DIAPH2: variants seen among roughly 807,000 people sequenced by gnomAD.
DIAPH2 encodes protein diaphanous homolog 2.
In DIAPH2, 35 loss-of-function variants were observed where a neutral mutation model predicts 92.7. The observed-to-expected ratio is 0.38, with a 90% CI of 0.29 to 0.50. The LOEUF (loss-of-function observed/expected upper bound fraction) is 0.50, where lower values mean the gene tolerates loss of function less well. DIAPH2 is among the 20% of genes least tolerant of loss of function. The pLI, the probability that DIAPH2 is intolerant of heterozygous loss-of-function variation, is 0.94. For synonymous variants in DIAPH2, 301 were observed against 280.4 expected, an observed-to-expected ratio of 1.07 and a Z score of -0.73; for missense variants, 701 against 819.5, an observed-to-expected ratio of 0.86 and a Z score of 1.77.
At chrX:96,769,416 G>C (rs1009704986) in intron 4 of DIAPH2, among the ~76,000 whole-genome samples, 1 of 111,943 alleles carries the variant, frequency 8.9e-6, no homozygotes, top group Non-Finnish European at 1.9e-5. Context: ...TTATAATTTG[G>C]TTCTCTGTTT....
chrX:96,845,709 G>GTAATTTAATCTTTC (rs1240951091), intron 4 of DIAPH2, among the ~76,000 whole-genome samples: 6 of 112,389 alleles, frequency 5.3e-5, no homozygotes, highest in African/African-American at 1.9e-4. Flanking sequence ...TTTAACCTTT[G>GTAATTTAATCTTTC]TAATTTAATC....
At chrX:97,372,787 A>G (rs955703203) in intron 24 of DIAPH2, among the ~76,000 whole-genome samples, 53 of 111,000 alleles carry the variant, frequency 4.8e-4, no homozygotes, top group African/African-American at 1.7e-3. Context: ...TCTGACCAAC[A>G]TGGAGAAACC....
chrX:97,389,530 C>T (rs188868935), intron 25 of DIAPH2, among the ~76,000 whole-genome samples: 1 of 108,894 alleles, frequency 9.2e-6, no homozygotes, highest in East Asian at 2.9e-4. Context: ...CTTTCTCCCA[C>T]ACTACAGCAA....
chrX:97,587,273 C>T (rs923087810), intron 26 of DIAPH2, among the ~76,000 whole-genome samples: 2 of 107,603 alleles, frequency 1.9e-5, no homozygotes, highest in Non-Finnish European at 3.8e-5. Context: ...AATCTGCTGT[C>T]CTAGAAAAAA....
chrX:96,768,782 G>A (rs2064319902), intron 4 of DIAPH2, among the ~76,000 whole-genome samples: 1 of 111,498 alleles, frequency 9.0e-6, no homozygotes, highest in Non-Finnish European at 1.9e-5. Context: ...GTGAACAAGG[G>A]AAAGTATGGG....
intron 26 of DIAPH2, among the ~76,000 whole-genome samples, chrX:97,495,706 A>C (rs2070753319): frequency 8.9e-6 from 1 of 112,014 alleles, no homozygotes; most frequent in Non-Finnish European, 1.9e-5. Flanking sequence ...TAAGAAAGAG[A>C]GGTGATAAAA....
chrX:97,269,848 G>A (rs1297684178), intron 23 of DIAPH2, among the ~76,000 whole-genome samples: 1 of 108,885 alleles, frequency 9.2e-6, no homozygotes, highest in Non-Finnish European at 1.9e-5. Flanking sequence ...TGCCTCCCGA[G>A]TTCAAGCGAT....
chrX:96,849,123 T>C (rs2064991325), intron 4 of DIAPH2, among the ~76,000 whole-genome samples: 3 of 111,960 alleles, frequency 2.7e-5, no homozygotes, highest in African/African-American at 9.7e-5. Context: ...TATTTTTTTA[T>C]ATAGCTTTGA....
intron 23 of DIAPH2, among the ~76,000 whole-genome samples, chrX:97,295,545 A>G (rs760255092): frequency 1.4e-4 from 16 of 111,375 alleles, no homozygotes; most frequent in African/African-American, 4.9e-4. Flanking sequence ...CCTATGAGTT[A>G]GGAGTTACTA....
chrX:97,501,947 C>T (rs1264887204), intron 26 of DIAPH2, among the ~76,000 whole-genome samples: 2 of 111,266 alleles, frequency 1.8e-5, no homozygotes, highest in African/African-American at 6.5e-5. Flanking sequence ...GGATTACTGG[C>T]ATCCACCACC....
intron 1 of DIAPH2, among the ~76,000 whole-genome samples, chrX:96,718,530 T>C (rs1000834686): frequency 6.5e-5 from 7 of 108,032 alleles, no homozygotes; most frequent in African/African-American, 2.4e-4. Context: ...ATTTTTGTAT[T>C]TTTAGTAAAG....
At chrX:97,564,695 A>G (rs1368807995) in intron 26 of DIAPH2, among the ~76,000 whole-genome samples, 3 of 112,086 alleles carry the variant, frequency 2.7e-5, no homozygotes, top group Non-Finnish European at 5.6e-5. Context: ...AAACACTCAA[A>G]CCATAGTAAA....
intron 26 of DIAPH2, among the ~76,000 whole-genome samples, chrX:97,494,402 G>T (rs925950416): frequency 2.7e-5 from 3 of 111,691 alleles, no homozygotes; most frequent in African/African-American, 9.8e-5. Context: ...ATGTTGTTCA[G>T]TTGTCTATAT....
chrX:96,808,853 T>G (rs1390821472), intron 4 of DIAPH2, among the ~76,000 whole-genome samples: 1 of 111,964 alleles, frequency 8.9e-6, no homozygotes, highest in East Asian at 2.8e-4. Flanking sequence ...TTGATGGTTG[T>G]TTTAAATTAC....
intron 26 of DIAPH2, among the ~76,000 whole-genome samples, chrX:97,521,371 T>G (rs2070989822): frequency 8.9e-6 from 1 of 112,452 alleles, no homozygotes; most frequent in South Asian, 3.7e-4. Flanking sequence ...TATTCTGGAA[T>G]GAGTCCTCTT....
intron 5 of DIAPH2, among the ~76,000 whole-genome samples, chrX:96,899,413 T>C (rs1459375835): frequency 9.0e-6 from 1 of 110,732 alleles, no homozygotes; most frequent in African/African-American, 3.3e-5. Flanking sequence ...TGAGCAGTGG[T>C]TTGTAGTTCT....
At chrX:97,247,146 A>G (rs1313568423) in intron 22 of DIAPH2, among the ~76,000 whole-genome samples, 2 of 111,494 alleles carry the variant, frequency 1.8e-5, no homozygotes, top group Non-Finnish European at 3.8e-5. Context: ...CTTTGTGGGT[A>G]TGTACGTTCA....
intron 4 of DIAPH2, among the ~76,000 whole-genome samples, chrX:96,825,093 A>G (rs1246472449): frequency 8.6e-5 from 9 of 104,964 alleles, no homozygotes; most frequent in African/African-American, 2.8e-4. Flanking sequence ...TTACAGGCGC[A>G]TGCCACCACG....
intron 23 of DIAPH2, among the ~76,000 whole-genome samples, chrX:97,293,467 G>T (rs2068615786): frequency 9.1e-6 from 1 of 109,777 alleles, no homozygotes; most frequent in Non-Finnish European, 1.9e-5. Context: ...TGGCCAGGAT[G>T]GTCTCTGTCT....
Sources: gnomAD v4.1 joint callset for allele counts (sites outside exome capture counted in the v4.1 genomes callset) on GRCh38, gnomAD v4.1.1 for gene constraint, MANE v1.5 for transcripts, NCBI Gene and HGNC (gene_info 2026-07-23, HGNC 2026-07-21) for gene names.